The following DHH variants were observed in gnomAD, a reference collection of about 807,000 sequenced individuals.
DHH encodes desert hedgehog protein.
A neutral mutation model predicts 27.6 loss-of-function variants in DHH; 16 were observed. The ratio of observed to expected loss-of-function variants is 0.58; its 90% CI spans 0.39 to 0.88. The LOEUF is 0.88. DHH is among the 40% of genes least tolerant of loss of function. The probability of loss-of-function intolerance (pLI) is 0.00; values close to 1 mark genes in which losing one functional copy is unlikely to be tolerated. For synonymous variants in DHH, 289 were observed against 263.4 expected (o/e 1.10, Z -0.94); for missense variants, 436 against 563.1 (o/e 0.77, Z 2.28).
rs1939308052 is a variant in DHH, at chr12:49,091,738, G to A, written c.304-349C>T. 6.6e-6 allele frequency among the ~76,000 whole-genome samples: 1 copy of A among 152,164 alleles called. No homozygotes were observed. Among genetic ancestry groups the A allele is most frequent in the African/African-American group, 2.4e-5 (1 of 41,432 alleles). On this transcript the variant is annotated intron_variant, in intron 1 of 2. Coordinates refer to ENST00000649637, the MANE Select transcript of DHH (RefSeq NM_021044.4). The surrounding 1 kb of genome is among the most constrained non-coding windows in gnomAD (Gnocchi z 4.8). ...GCGAATGGAAGCGTGGTCAGGGAGG[G>A]CCTGGTTGCTCCCGGAGAGCCCCTG...
chr12:49,090,233 C>G lies in DHH; in HGVS notation c.817G>C (p.Val273Leu). The change falls in exon 3 of 3, where the codon GTG (valine) becomes CTG (leucine). Residue 273 changes from valine (V) to leucine (L), a missense_variant. Coordinates refer to ENST00000649637, the MANE Select transcript of DHH (RefSeq NM_021044.4). The surrounding 1 kb of genome is among the most constrained non-coding windows in gnomAD (Gnocchi z 5.2). ...GGCGCCGGCCCTCGAGCGGCAAACACCAGGTGCCAGGGCGTGAGCAACAGT... is the reference window on the plus strand; with the variant it reads ...GGCGCCGGCCCTCGAGCGGCAAACAGCAGGTGCCAGGGCGTGAGCAACAGT... ...RKLLLTPWHL[V>L]FAARGPAPAP... 6.4e-7 allele frequency: 1 copy of G among 1,560,120 alleles called. No individual in the cohort carries two copies. The highest frequency in any genetic ancestry group is 8.7e-7 in the Non-Finnish European group (1 of 1,152,698).
At chr12:49,092,529 C>T (rs1056670076) in intron 1 of DHH, among the ~76,000 whole-genome samples, 2 of 152,220 alleles carry the variant, frequency 1.3e-5, no homozygotes, top group African/African-American at 4.8e-5. Context: ...CCTCTCACCT[C>T]GGACTTGGTT....
chr12:49,090,069 C>A lies in DHH; in HGVS notation c.981G>T (p.Pro327=), dbSNP rs1015602628. Residue 327 remains proline, a synonymous_variant, in exon 3 of 3, where the codon CCG becomes CCT. Transcript: ENST00000649637. The surrounding 1 kb of genome is among the most constrained non-coding windows in gnomAD (Gnocchi z 5.2). ...AREEAVGVFA[P]LTAHGTLLVN... is the part of the protein sequence containing the mutation. Reference sequence around the variant, plus strand: ...CCAGCAGCGTCCCGTGCGCGGTGAGCGGCGCGAACACGCCCACGGCTTCCT... The same window carrying A: ...CCAGCAGCGTCCCGTGCGCGGTGAGAGGCGCGAACACGCCCACGGCTTCCT... The A allele has an allele frequency of 1.3e-6, 2 of 1,538,040 alleles. No homozygotes were observed. The highest frequency in any genetic ancestry group is 2.5e-5 in the East Asian group (1 of 39,594).
intron 1 of DHH, chr12:49,092,367 A>C (rs1939319565): frequency 6.6e-6 from 1 of 152,368 alleles, no homozygotes; most frequent in Admixed American, 6.5e-5. Context: ...GAGGAAAAGA[A>C]GCTGCGGCTG....
At position 49,090,139 on chromosome 12, in the gene DHH, C is replaced by A; in HGVS notation, c.911G>T (p.Gly304Val). The change falls in exon 3 of 3, where the codon GGC (glycine) becomes GTC (valine). Residue 304 changes from glycine to valine, a missense_variant. Physicochemically the swap from Gly to Val is moderately radical, Grantham distance 109. Coordinates refer to ENST00000649637, the MANE Select transcript of DHH (RefSeq NM_021044.4). The surrounding 1 kb of genome is among the most constrained non-coding windows in gnomAD (Gnocchi z 5.2). ...LRAGDSVLAPGGDALRPARVA... is the reference protein window; with the variant it reads ...LRAGDSVLAPVGDALRPARVA... ...GCGCGCTGGCCGAAGCGCATCCCCG[C>A]CGGGCGCCAGCACCGAGTCCCCAGC... The A allele has an allele frequency of 6.6e-7, 1 of 1,511,058 alleles. No homozygotes were observed. The highest frequency in any genetic ancestry group is 8.8e-7 in the Non-Finnish European group (1 of 1,130,406). 93.6% of individuals were successfully genotyped at this position (1,511,058 alleles called of 1,614,324 possible). A position where few individuals can be genotyped will look rare whatever the true frequency, so the allele number is the denominator to read the frequency against.
rs941138697 is a variant in DHH at position 49,090,667 on chromosome 12, C to G, written c.566-183G>C. On this transcript the variant is annotated intron_variant, in intron 2 of 2. Coordinates refer to ENST00000649637, the MANE Select transcript of DHH (RefSeq NM_021044.4). This position sits in a 1 kb window ranked among gnomAD's most constrained non-coding sequence, Gnocchi z 5.2. Reference sequence around the variant, plus strand: ...TTTCTTTTCCTTTTTCTTCTCTTTTCTATGTATGTATGTATGTATGTATGT... The same window carrying G: ...TTTCTTTTCCTTTTTCTTCTCTTTTGTATGTATGTATGTATGTATGTATGT... Among the ~76,000 whole-genome samples, 6 of 145,562 alleles carry G rather than the reference C, an allele frequency of 4.1e-5. No homozygotes were observed. Among genetic ancestry groups the G allele is most frequent in the Non-Finnish European group, 7.5e-5 (5 of 66,252 alleles).
intron 1 of DHH, 136 bp downstream of exon 1, chr12:49,094,074 C>T (rs1018024771): frequency 3.9e-6 from 4 of 1,012,840 alleles, no homozygotes; most frequent in Non-Finnish European, 5.9e-6. Context: ...TTTTTCCCCC[C>T]CCTGGGGCTG....
Position 49,090,202 on chromosome 12 carries a change from G to A in DHH, c.848C>T (p.Pro283Leu). ...CGCGAACACCGGTGCAAAGTCGCCT[G>A]GCGCGGGCGCCGGCCCTCGAGCGGC... is the stretch of plus-strand genomic sequence containing the variant. Reference protein sequence around the residue: ...VFAARGPAPAPGDFAPVFARR... With the variant: ...VFAARGPAPALGDFAPVFARR... The change falls in exon 3 of 3, where the codon CCA (proline) becomes CTA (leucine). Residue 283 changes from proline (P) to leucine (L), a missense_variant. By Grantham distance (98) the Pro-to-Leu change is moderately conservative. Transcript: ENST00000649637. The surrounding 1 kb of genome is among the most constrained non-coding windows in gnomAD (Gnocchi z 5.2). 6.4e-7 allele frequency: 1 copy of A among 1,551,346 alleles called. No individual in the cohort carries two copies. Among genetic ancestry groups the A allele is most frequent in the Non-Finnish European group, 8.7e-7 (1 of 1,147,758 alleles).
rs1939288645 is a variant in DHH, at chr12:49,090,812, G to A, written c.565+316C>T. On this transcript the variant is annotated intron_variant, in intron 2 of 2. Coordinates refer to ENST00000649637, the MANE Select transcript of DHH (RefSeq NM_021044.4). The surrounding 1 kb of genome is among the most constrained non-coding windows in gnomAD (Gnocchi z 5.2). ...TACCTCCCGGGTTCAAGTGATTCTC[G>A]TGCCTCAGCCTCACGAGTAGCCGGG... is the stretch of plus-strand genomic sequence containing the variant. Among the ~76,000 whole-genome samples, 2 of 151,982 alleles carry A rather than the reference G, an allele frequency of 1.3e-5. No individual in the cohort carries two copies. Among genetic ancestry groups the A allele is most frequent in the Admixed American group, 1.3e-4 (2 of 15,268 alleles).
At position 49,094,683 on chromosome 12, in the gene DHH, C is replaced by T. The variant is rs1939373144; in HGVS notation, c.-171G>A. 1 of 820,222 alleles carries T rather than the reference C, an allele frequency of 1.2e-6. No homozygotes were observed. The allele number at this position is 820,222 out of a possible 1,614,324, so 50.8% of individuals were successfully genotyped here. On this transcript the variant is annotated 5_prime_UTR_variant, in exon 1 of 3. Transcript: ENST00000649637. ...CTGCTGCTAGCTCTGCCCACGTGCC[C>T]CGGGAGCGGGCGGGGGGTGTCTAGG... is the stretch of plus-strand genomic sequence containing the variant.
At position 49,091,102 on chromosome 12, in the gene DHH, A is replaced by G. The variant is rs1425932163; in HGVS notation, c.565+26T>C. On this transcript the variant is annotated intron_variant, in intron 2 of 2. Coordinates refer to ENST00000649637, the MANE Select transcript of DHH (RefSeq NM_021044.4). This position sits in a 1 kb window ranked among gnomAD's most constrained non-coding sequence, Gnocchi z 4.8. ...CCCGGAGGGAGCCCCCTTTGGGCGGATTTTACCACCCTCCTCCTACTGTAC... is the reference window on the plus strand; with the variant it reads ...CCCGGAGGGAGCCCCCTTTGGGCGGGTTTTACCACCCTCCTCCTACTGTAC... 1 of 1,614,032 alleles carries G rather than the reference A, an allele frequency of 6.2e-7. No individual in the cohort carries two copies. Among genetic ancestry groups the G allele is most frequent in the Non-Finnish European group, 8.5e-7 (1 of 1,179,990 alleles).
rs1329128012 is a variant in DHH at position 49,094,260 on chromosome 12, T to C, written c.253A>G (p.Ile85Val). The change falls in exon 1 of 3, where the codon ATC becomes GTC. Residue 85 changes from isoleucine to valine, a missense_variant. Physicochemically the swap from Ile to Val is conservative, Grantham distance 29. Transcript: ENST00000649637. ...RDLVPNYNPD[I>V]IFKDEENSGA... ...CTGTTCTCCTCATCCTTGAAGATGA[T>C]GTCGGGGTTGTAGTTGGGCACGAGG... 1.2e-6 allele frequency: 2 copies of C among 1,613,544 alleles called. No individual in the cohort carries two copies. Among genetic ancestry groups the C allele is most frequent in the South Asian group, 2.2e-5 (2 of 91,082 alleles).
chr12:49,091,427 C>G lies in DHH; in HGVS notation c.304-38G>C. 1.2e-6 allele frequency: 2 copies of G among 1,611,626 alleles called. No homozygotes were observed. Among genetic ancestry groups the G allele is most frequent in the African/African-American group, 1.3e-5 (1 of 75,012 alleles). ...AAAGGAGTCAGTCTCCCCACCACCA[C>G]CCTTGGGGCAAAAGGGACCTGGATA... On this transcript the variant is annotated intron_variant, in intron 1 of 2. Transcript: ENST00000649637. This position sits in a 1 kb window ranked among gnomAD's most constrained non-coding sequence, Gnocchi z 4.8.
rs376447609 is a variant in DHH, at chr12:49,089,251, C to G, written c.*608G>C. Reference sequence around the variant, plus strand: ...GGAAACAGCAGCCTGGAAAAGGGTACGACTCTTGTGGGCTCTGTTGCTTAT... The same window carrying G: ...GGAAACAGCAGCCTGGAAAAGGGTAGGACTCTTGTGGGCTCTGTTGCTTAT... On this transcript the variant is annotated 3_prime_UTR_variant, in exon 3 of 3. Transcript: ENST00000649637. 6.6e-6 allele frequency among the ~76,000 whole-genome samples: 1 copy of G among 152,228 alleles called. No individual in the cohort carries two copies. The highest frequency in any genetic ancestry group is 1.9e-4 in the East Asian group (1 of 5,204).
Position 49,091,896 on chromosome 12 carries a change from T to TA in DHH, c.304-508dup, listed in dbSNP as rs917215628. Among the ~76,000 whole-genome samples the TA allele has an allele frequency of 1.3e-5, 2 of 152,076 alleles. No individual in the cohort carries two copies. The highest frequency in any genetic ancestry group is 4.8e-5 in the African/African-American group (2 of 41,402). On this transcript the variant is annotated intron_variant, in intron 1 of 2. Coordinates refer to ENST00000649637, the MANE Select transcript of DHH (RefSeq NM_021044.4). This position sits in a 1 kb window ranked among gnomAD's most constrained non-coding sequence, Gnocchi z 4.8. ...TCCTCCTCCTTTGGGCCCTTAGCAT[T>TA]AACCCCTTCGTGCTCTGGGTGCCCC...
At position 49,089,851 on chromosome 12, in the gene DHH, T is replaced by G; in HGVS notation, c.*8A>C. ...TCGGGCGCTTCGAGGTTTCTATGCC[T>G]GGGACGCTCAGCCCAGTAGCTCCTC... is the stretch of plus-strand genomic sequence containing the variant. On this transcript the variant is annotated 3_prime_UTR_variant, in exon 3 of 3. Coordinates refer to ENST00000649637, the MANE Select transcript of DHH (RefSeq NM_021044.4). 1 of 1,536,450 alleles carries G rather than the reference T, an allele frequency of 6.5e-7. No homozygotes were observed. Among genetic ancestry groups the G allele is most frequent in the Non-Finnish European group, 8.8e-7 (1 of 1,137,422 alleles).
At position 49,087,027 on chromosome 12, in the gene DHH, G is replaced by A. The variant is rs1939221613; in HGVS notation, c.*2832C>T. 6.6e-6 allele frequency among the ~76,000 whole-genome samples: 1 copy of A among 152,168 alleles called. No homozygotes were observed. The highest frequency in any genetic ancestry group is 6.5e-5 in the Admixed American group (1 of 15,270). Reference sequence around the variant, plus strand: ...AATCCTTCTCAACCATCCTGTCACGGAGGTATCATTATCCCCAGATCTAGC... The same window carrying A: ...AATCCTTCTCAACCATCCTGTCACGAAGGTATCATTATCCCCAGATCTAGC... On this transcript the variant is annotated 3_prime_UTR_variant, in exon 3 of 3. Transcript: ENST00000649637.
In DHH at chr12:49,094,342, C is replaced by A. The variant is rs1939359800; in HGVS notation, c.171G>T (p.Leu57=). Residue 57 remains leucine (L), a synonymous_variant, in exon 1 of 3, where the codon CTG becomes CTT. Coordinates refer to ENST00000649637, the MANE Select transcript of DHH (RefSeq NM_021044.4). ...QFVPGVPERT[L]GASGPAEGRV... ...TCCCCTCCGCTGGCCCACTGGCGCC[C>A]AGGGTCCGCTCTGGCACGCCGGGCA... 6.2e-7 allele frequency: 1 copy of A among 1,613,022 alleles called. No individual in the cohort carries two copies.
intron 1 of DHH, among the ~76,000 whole-genome samples, chr12:49,093,895 C>T (rs1195762114): frequency 1.3e-5 from 2 of 152,224 alleles, no homozygotes; most frequent in Non-Finnish European, 2.9e-5. Flanking sequence ...GGGTGGCTGA[C>T]CCCCGGTCCA....
Sources: allele counts gnomAD v4.1 joint callset (sites outside exome capture counted in the v4.1 genomes callset), GRCh38; gene constraint gnomAD v4.1.1; non-coding constraint Gnocchi (gnomAD v3.1); transcripts MANE v1.5; gene names NCBI Gene and HGNC (gene_info 2026-07-23, HGNC 2026-07-21).